PTPRA: variants seen among roughly 807,000 people sequenced by gnomAD.
The protein encoded by PTPRA is protein tyrosine phosphatase receptor type A.
A neutral mutation model predicts 104.8 loss-of-function variants in PTPRA; 25 were observed. The observed-to-expected ratio is 0.24, with a 90% CI of 0.17 to 0.33. The LOEUF is 0.33. PTPRA is among the 10% of genes least tolerant of loss of function. The pLI, the probability that PTPRA is intolerant of heterozygous loss-of-function variation, is 1.00. For missense variants in PTPRA, 765 were observed against 1,015.3 expected, an observed-to-expected ratio of 0.75 and a Z score of 3.35; for synonymous variants, 323 against 368.9, an observed-to-expected ratio of 0.88 and a Z score of 1.43.
intron 1 of PTPRA, among the ~76,000 whole-genome samples, chr20:2,905,690 CTTTTTTTTTTTTTTT>C (rs11479039): frequency 1.4e-5 from 1 of 70,634 alleles, no homozygotes; most frequent in Non-Finnish European, 2.8e-5. Flanking sequence ...TCATAAAATT[CTTTTTTTTTTTTTTT>C]TTTTTTTTTG....
At chr20:2,995,487 G>T (rs2063361496) in intron 9 of PTPRA, among the ~76,000 whole-genome samples, 1 of 152,202 alleles carries the variant, frequency 6.6e-6, no homozygotes, top group Non-Finnish European at 1.5e-5. Flanking sequence ...TTCTGGTAAT[G>T]TGTGGGCAAT....
chr20:2,894,685 C>T (rs892668090), intron 1 of PTPRA, among the ~76,000 whole-genome samples: 5 of 151,850 alleles, frequency 3.3e-5, no homozygotes, highest in African/African-American at 1.2e-4. Flanking sequence ...AAAGATTGTA[C>T]GTATAAGATT....
At chr20:2,945,129 G>A (rs1279727787) in intron 2 of PTPRA, among the ~76,000 whole-genome samples, 2 of 150,990 alleles carry the variant, frequency 1.3e-5, no homozygotes, top group South Asian at 2.1e-4. Context: ...CTCTCTTCAG[G>A]TATATTTTAC....
At chr20:2,952,136 A>AC (rs1370976163) in intron 3 of PTPRA, among the ~76,000 whole-genome samples, 1 of 151,916 alleles carries the variant, frequency 6.6e-6, no homozygotes, top group Non-Finnish European at 1.5e-5. Context: ...GAAAAAAAAA[A>AC]AACTGTCAAA....
In PTPRA at chr20:2,955,565, C is replaced by T. The variant is rs1028087524; in HGVS notation, c.-7+7541C>T. The stretch of plus-strand genomic sequence containing the variant: ...TGGACTTCTCTATCACATTGCCTTT[C>T]TCAAGAGAAGACATATAATGAAAGT... On this transcript the variant is annotated intron_variant, in intron 3 of 23. Transcript: ENST00000399903. 4.3e-6 allele frequency: 4 copies of T among 921,312 alleles called. No homozygotes were observed. The African/African-American group carries it at 5.4e-5, about 12-fold the overall frequency. The allele number at this position is 921,312 out of a possible 1,614,324, so 57.1% of individuals were successfully genotyped here.
chr20:2,900,970 T>G (rs1453250143), intron 1 of PTPRA, among the ~76,000 whole-genome samples: 11 of 152,060 alleles, frequency 7.2e-5, no homozygotes, highest in Non-Finnish European at 1.5e-4. Flanking sequence ...AATTTTGTTT[T>G]TTTTGTTTTG....
chr20:2,997,384 A>G lies in PTPRA; in HGVS notation c.739-7672A>G, dbSNP rs748791448. ...TTTTTTGAATATGGGAAATAAATCT[A>G]ATGGACTTAGTTTGCTTCGATGGAT... On this transcript the variant is annotated intron_variant, in intron 9 of 23. Transcript: ENST00000399903. Among the ~76,000 whole-genome samples, 52 of 152,220 alleles carry G rather than the reference A, an allele frequency of 3.4e-4. 1 individual carries two copies. The highest frequency in any genetic ancestry group is 1.2e-4 in the Non-Finnish European group (8 of 68,048).
At chr20:2,941,012 G>T (rs1178046) in intron 2 of PTPRA, among the ~76,000 whole-genome samples, 95,729 of 149,796 alleles carry the variant, frequency 0.64, 32,412 homozygotes, top group East Asian at 0.87. Context: ...TTTTCTTCTG[G>T]TTTTTTTTTG....
At chr20:2,949,464 A>G (rs2147781142) in intron 3 of PTPRA, among the ~76,000 whole-genome samples, 1 of 151,880 alleles carries the variant, frequency 6.6e-6, no homozygotes, top group African/African-American at 2.4e-5. Context: ...TTTTCTTTTT[A>G]AAATTTTTCG....
intron 9 of PTPRA, among the ~76,000 whole-genome samples, chr20:2,989,819 C>A (rs1217607148): frequency 1.3e-5 from 2 of 152,104 alleles, no homozygotes; most frequent in Non-Finnish European, 2.9e-5. Flanking sequence ...AGATCGAGAC[C>A]ATCCTGGCTA....
At chr20:2,954,628 A>G (rs563088131) in intron 3 of PTPRA, among the ~76,000 whole-genome samples, 1 of 152,110 alleles carries the variant, frequency 6.6e-6, no homozygotes, top group Non-Finnish European at 1.5e-5. Context: ...ATTGGCATAC[A>G]TTTTTTCCCA....
intron 18 of PTPRA, 37 bp from the exon 19 acceptor site, chr20:3,027,084 G>T: frequency 1.2e-6 from 2 of 1,600,802 alleles, no homozygotes; most frequent in South Asian, 2.2e-5. Context: ...GAGGACAAAT[G>T]ATATTGGCTA....
intron 1 of PTPRA, among the ~76,000 whole-genome samples, chr20:2,904,091 G>T (rs533960068): frequency 7.8e-4 from 118 of 151,858 alleles, no homozygotes; most frequent in Non-Finnish European, 1.4e-3. Flanking sequence ...TTATTTTTTT[G>T]TGTGTGTGGA....
At chr20:3,001,127 T>C (rs2063606629) in intron 9 of PTPRA, among the ~76,000 whole-genome samples, 1 of 152,212 alleles carries the variant, frequency 6.6e-6, no homozygotes, top group African/African-American at 2.4e-5. Flanking sequence ...GTTTAACATT[T>C]TATAGACTTC....
At chr20:2,978,332 A>G (rs1458807551) in intron 6 of PTPRA, among the ~76,000 whole-genome samples, 2 of 152,238 alleles carry the variant, frequency 1.3e-5, no homozygotes, top group Non-Finnish European at 2.9e-5. Flanking sequence ...TCTAGAGGCA[A>G]TCCAATGAAT....
At chr20:3,007,849 TA>T (rs2063949041) in intron 11 of PTPRA, among the ~76,000 whole-genome samples, 1 of 152,098 alleles carries the variant, frequency 6.6e-6, no homozygotes, top group African/African-American at 2.4e-5. Flanking sequence ...TATATATATA[TA>T]TATATGACTA....
Position 3,038,223 on chromosome 20 carries a change from C to A in PTPRA, c.*90C>A. On this transcript the variant is annotated 3_prime_UTR_variant, in exon 24 of 24. Coordinates refer to ENST00000399903, the MANE Select transcript of PTPRA (RefSeq NM_001385305.1). ...AATATACCCCAAATTGTGTATATAT[C>A]TTATAACTGTTTTAGAAATTGGTAC... 7.9e-7 allele frequency: 1 copy of A among 1,260,982 alleles called. No homozygotes were observed. The highest frequency in any genetic ancestry group is 1.1e-6 in the Non-Finnish European group (1 of 881,628). 78.1% of individuals were successfully genotyped at this position (1,260,982 alleles called of 1,614,324 possible). A position where few individuals can be genotyped will look rare whatever the true frequency, so the allele number is the denominator to read the frequency against.
At chr20:2,920,461 G>C (rs2060059066) in intron 1 of PTPRA, among the ~76,000 whole-genome samples, 1 of 152,152 alleles carries the variant, frequency 6.6e-6, no homozygotes. Flanking sequence ...CACCTGAGCT[G>C]GACTTGGGCA....
At chr20:2,912,462 A>G (rs1260422722) in intron 1 of PTPRA, among the ~76,000 whole-genome samples, 1 of 151,766 alleles carries the variant, frequency 6.6e-6, no homozygotes, top group African/African-American at 2.4e-5. Flanking sequence ...CGTCTCTACA[A>G]AAAATACAAA....
Sources: allele counts gnomAD v4.1 joint callset (sites outside exome capture counted in the v4.1 genomes callset), GRCh38; gene constraint gnomAD v4.1.1; transcripts MANE v1.5; gene names NCBI Gene and HGNC (gene_info 2026-07-23, HGNC 2026-07-21).